ITCH: variants seen among roughly 807,000 people sequenced by gnomAD.
ITCH encodes the protein itchy E3 ubiquitin protein ligase.
Under a neutral mutation model 126.8 loss-of-function variants are expected in ITCH, and 28 were observed. The observed-to-expected ratio is 0.22, with a 90% CI of 0.16 to 0.30. The LOEUF (loss-of-function observed/expected upper bound fraction) is 0.30. ITCH is among the 10% of genes least tolerant of loss of function. The pLI is 1.00. For missense variants in ITCH, 631 were observed against 1,032.4 expected, an observed-to-expected ratio of 0.61 and a Z score of 5.33; for synonymous variants, 342 against 340.0, an observed-to-expected ratio of 1.01 and a Z score of -0.06.
At chr20:34,417,985 G>A (rs966768533) in intron 6 of ITCH, among the ~76,000 whole-genome samples, 2 of 110,988 alleles carry the variant, frequency 1.8e-5, no homozygotes, top group Admixed American at 1.9e-4. Flanking sequence ...TTTTTTTTTT[G>A]AGACAGGGTA....
At chr20:34,460,816 T>A (rs1000169813) in intron 13 of ITCH, among the ~76,000 whole-genome samples, 9 of 151,620 alleles carry the variant, frequency 5.9e-5, no homozygotes, top group African/African-American at 2.2e-4. Context: ...CGGTCAGGAG[T>A]TCAAGACCAG....
At chr20:34,404,318 A>G (rs1219589419) in intron 3 of ITCH, among the ~76,000 whole-genome samples, 2 of 151,958 alleles carry the variant, frequency 1.3e-5, no homozygotes, top group East Asian at 1.9e-4. Context: ...GTTTTGTTCA[A>G]TCTAGACTTT....
Position 34,387,683 on chromosome 20 carries a change from G to T in ITCH, c.-21-6108G>T, listed in dbSNP as rs1422194897. ...AACTGACAGACTAATAGGTAATAGA[G>T]TTTTAAAATATTGTTACTAGATTTT... On this transcript the variant is annotated intron_variant, in intron 2 of 24. Coordinates refer to ENST00000374864, the MANE Select transcript of ITCH (RefSeq NM_031483.7). 6.7e-5 allele frequency among the ~76,000 whole-genome samples: 10 copies of T among 148,310 alleles called. No individual in the cohort carries two copies. The South Asian group carries it at 1.9e-3, about 29-fold the overall frequency.
At chr20:34,417,231 G>A (rs1469384042) in intron 6 of ITCH, 2 of 644,216 alleles carry the variant, frequency 3.1e-6, no homozygotes, top group Non-Finnish European at 5.6e-6. Flanking sequence ...CGAGTAGCTG[G>A]GTTTACAGGT....
chr20:34,398,837 A>G (rs764367455), intron 3 of ITCH, among the ~76,000 whole-genome samples: 2 of 152,112 alleles, frequency 1.3e-5, no homozygotes, highest in Non-Finnish European at 2.9e-5. Flanking sequence ...ATAGTTCAGC[A>G]AACATTATTA....
At chr20:34,486,296 A>G (rs1989108458) in intron 20 of ITCH, among the ~76,000 whole-genome samples, 1 of 151,320 alleles carries the variant, frequency 6.6e-6, no homozygotes, top group Non-Finnish European at 1.5e-5. Flanking sequence ...CTGGAATTAT[A>G]GGCATGAGCC....
intron 2 of ITCH, among the ~76,000 whole-genome samples, chr20:34,383,965 C>G (rs1287871070): frequency 6.6e-6 from 1 of 150,590 alleles, no homozygotes. Context: ...CTGTCTCAGC[C>G]TCCCGAGTAT....
chr20:34,447,193 G>A (rs1487779789), intron 11 of ITCH, among the ~76,000 whole-genome samples: 1 of 143,672 alleles, frequency 7.0e-6, no homozygotes, highest in Non-Finnish European at 1.5e-5. Flanking sequence ...TTTTTTTTAA[G>A]TACAGCTTCT....
chr20:34,442,299 C>T lies in ITCH; in HGVS notation c.961C>T (p.Pro321Ser). The T allele has an allele frequency of 6.3e-7, 1 of 1,596,372 alleles. No individual in the cohort carries two copies. The highest frequency in any genetic ancestry group is 1.1e-5 in the South Asian group (1 of 90,714). The change falls in exon 10 of 25, where the codon CCT (proline) becomes TCT (serine). Residue 321 changes from proline to serine, a missense_variant. Physicochemically the swap from Pro to Ser is moderately conservative, Grantham distance 74 (BLOSUM62 -1). Transcript: ENST00000374864. ...ATGGGATAGACCAGAACCTCTACCT[C>T]CTGGGTAAGTATCTAAATTTAAAAA... The part of the protein sequence containing the change: ...TTWDRPEPLP[P>S]GWERRVDNMG...
At position 34,488,190 on chromosome 20, in the gene ITCH, A is replaced by T. The variant is rs563641356; in HGVS notation, c.2094-1076A>T. Among the ~76,000 whole-genome samples, 7 of 139,790 alleles carry T rather than the reference A, an allele frequency of 5.0e-5. No individual in the cohort carries two copies. In the South Asian group the frequency reaches 1.1e-3, roughly 23 times the overall value. 91.7% of individuals were successfully genotyped at this position (139,790 alleles called of 152,430 possible). A position where few individuals can be genotyped will look rare whatever the true frequency, so the allele number is the denominator to read the frequency against. ...TCTAAGATAATTTCCCTTTGGCTTT[A>T]AAAAAAAAAACCTTTCTTTACCATT... On this transcript the variant is annotated intron_variant, in intron 20 of 24. Coordinates refer to ENST00000374864, the MANE Select transcript of ITCH (RefSeq NM_031483.7).
chr20:34,372,177 C>G (rs6141464), intron 2 of ITCH, among the ~76,000 whole-genome samples: 24 of 149,230 alleles, frequency 1.6e-4, no homozygotes, highest in Non-Finnish European at 3.4e-4. Context: ...TGGTGGCGGG[C>G]GCCTGTAGTC....
chr20:34,433,290 C>CA (rs1037355229), intron 7 of ITCH, among the ~76,000 whole-genome samples: 4 of 152,026 alleles, frequency 2.6e-5, no homozygotes, highest in Non-Finnish European at 4.4e-5. Context: ...GACTTCGTCT[C>CA]AAAAAAACAA....
chr20:34,449,571 T>C (rs1427319935), intron 12 of ITCH, 91 bp downstream of exon 12: 1 of 882,852 alleles, frequency 1.1e-6, no homozygotes, highest in African/African-American at 1.6e-5. Flanking sequence ...TTATGTCTGA[T>C]ACTGTGCTCT....
chr20:34,464,141 AT>A lies in ITCH; in HGVS notation c.1424+1937del, dbSNP rs1025473489. 4.3e-3 allele frequency among the ~76,000 whole-genome samples: 565 copies of A among 132,776 alleles called. 2 individuals carry two copies. The highest frequency in any genetic ancestry group is 3.3e-3 in the Admixed American group (44 of 13,174). 87.1% of individuals were successfully genotyped at this position (132,776 alleles called of 152,430 possible). A position where few individuals can be genotyped will look rare whatever the true frequency, so the allele number is the denominator to read the frequency against. On this transcript the variant is annotated intron_variant, in intron 14 of 24. Coordinates refer to ENST00000374864, the MANE Select transcript of ITCH (RefSeq NM_031483.7). ...AGGCGCCCGCCACCATGCCCAGCTA[AT>A]TTTTTTTTTTTTTTTTGTATTTTGT...
At chr20:34,501,717 GT>G (rs2146555350) in intron 23 of ITCH, among the ~76,000 whole-genome samples, 1 of 149,670 alleles carries the variant, frequency 6.7e-6, no homozygotes, top group East Asian at 2.0e-4. Context: ...AGAGGTTGCA[GT>G]GAGCCAAGAT....
intron 20 of ITCH, among the ~76,000 whole-genome samples, chr20:34,481,425 A>G (rs1267612846): frequency 6.6e-6 from 1 of 152,212 alleles, no homozygotes; most frequent in African/African-American, 2.4e-5. Flanking sequence ...TCTTTTAAAC[A>G]TCAACTCTGT....
At chr20:34,473,844 A>G (rs1600434506) in intron 16 of ITCH, among the ~76,000 whole-genome samples, 1 of 152,232 alleles carries the variant, frequency 6.6e-6, no homozygotes. Context: ...TACTGCTATA[A>G]ATTGTCGTAA....
chr20:34,459,286 G>A lies in ITCH; in HGVS notation c.1295+1812G>A, dbSNP rs192085183. ...CTCTGAACATCCAGCATTATTGTGG[G>A]ACAGTACACATTGAGGTCGAGTATC... On this transcript the variant is annotated intron_variant, in intron 13 of 24. Transcript: ENST00000374864. Among the ~76,000 whole-genome samples the A allele has an allele frequency of 1.2e-3, 190 of 152,290 alleles. 1 individual carries two copies. The highest frequency in any genetic ancestry group is 4.4e-3 in the African/African-American group (185 of 41,574).
chr20:34,388,688 T>C (rs571543792), intron 2 of ITCH, among the ~76,000 whole-genome samples: 19 of 152,366 alleles, frequency 1.2e-4, no homozygotes, highest in African/African-American at 3.8e-4. Context: ...TCTTTCTTAC[T>C]GAGACATACA....
Sources: allele counts gnomAD v4.1 joint callset (sites outside exome capture counted in the v4.1 genomes callset), GRCh38; gene constraint gnomAD v4.1.1; transcripts MANE v1.5; gene names NCBI Gene and HGNC (gene_info 2026-07-23, HGNC 2026-07-21).